FAM168A: variants seen among roughly 807,000 people sequenced by gnomAD.
FAM168A encodes family with sequence similarity 168 member A.
In FAM168A, 3 loss-of-function variants were observed where a neutral mutation model predicts 28.5. The observed-to-expected ratio is 0.11, with a 90% CI of 0.05 to 0.27. The LOEUF (loss-of-function observed/expected upper bound fraction) is 0.27, where lower values mean the gene tolerates loss of function less well. Among genes scored for constraint, FAM168A ranks in the 10% least tolerant of loss-of-function variants. The pLI is 1.00. For synonymous variants in FAM168A, 122 were observed against 124.2 expected (o/e 0.98, Z 0.12); for missense variants, 222 against 311.5 (o/e 0.71, Z 2.16).
chr11:73,445,686 C>T (rs1867299822), intron 2 of FAM168A, among the ~76,000 whole-genome samples: 1 of 151,966 alleles, frequency 6.6e-6, no homozygotes, highest in African/African-American at 2.4e-5. Context: ...CACACCAGGA[C>T]AGGATTTTCA....
chr11:73,486,713 A>G (rs1290607158), intron 1 of FAM168A, among the ~76,000 whole-genome samples: 2 of 152,228 alleles, frequency 1.3e-5, no homozygotes, highest in Admixed American at 6.5e-5. Flanking sequence ...TTCCAAATAG[A>G]TCATTTAGAT....
At chr11:73,495,440 T>C (rs890434422) in intron 1 of FAM168A, among the ~76,000 whole-genome samples, 1 of 152,200 alleles carries the variant, frequency 6.6e-6, no homozygotes, top group Non-Finnish European at 1.5e-5. Context: ...TCAATCTCCA[T>C]CACCACTCCA....
chr11:73,526,083 A>G (rs1418284843), intron 1 of FAM168A, among the ~76,000 whole-genome samples: 1 of 152,224 alleles, frequency 6.6e-6, no homozygotes, highest in Non-Finnish European at 1.5e-5. Context: ...ACAAAGTTTC[A>G]TAAATAAAAA....
chr11:73,430,631 T>C lies in FAM168A; in HGVS notation c.151+59A>G, dbSNP rs543150536. The C allele has an allele frequency of 1.2e-5, 19 of 1,521,578 alleles. No individual in the cohort carries two copies. In the South Asian group the frequency reaches 1.9e-4, roughly 15 times the overall value. 94.3% of individuals were successfully genotyped at this position (1,521,578 alleles called of 1,614,324 possible). ...AAAGGCCAGCAAGTGGTTTTGCTTTTCCCAAATAGAGTCCCCCTTCCCACT... is the reference window on the plus strand; with the variant it reads ...AAAGGCCAGCAAGTGGTTTTGCTTTCCCCAAATAGAGTCCCCCTTCCCACT... On this transcript the variant is annotated intron_variant, in intron 3 of 7. Transcript: ENST00000356467.
chr11:73,532,636 T>C (rs1319390886), intron 1 of FAM168A, among the ~76,000 whole-genome samples: 1 of 152,212 alleles, frequency 6.6e-6, no homozygotes, highest in Non-Finnish European at 1.5e-5. Context: ...CTACATAAAT[T>C]GGAAAATAGA....
intron 1 of FAM168A, among the ~76,000 whole-genome samples, chr11:73,547,634 G>A (rs1020694538): frequency 3.3e-5 from 5 of 151,982 alleles, no homozygotes; most frequent in East Asian, 1.9e-4. Context: ...GTGAATAACC[G>A]CTGCACTTCA....
At chr11:73,564,607 G>C (rs1943998099) in intron 1 of FAM168A, among the ~76,000 whole-genome samples, 1 of 151,936 alleles carries the variant, frequency 6.6e-6, no homozygotes, top group Non-Finnish European at 1.5e-5. Flanking sequence ...GCTGGGCATG[G>C]TGTCGGGCGC....
chr11:73,460,159 C>T (rs942255599), intron 2 of FAM168A, among the ~76,000 whole-genome samples: 8 of 152,036 alleles, frequency 5.3e-5, no homozygotes, highest in African/African-American at 1.2e-4. Context: ...GGATTACAGG[C>T]GTGAGCCACC....
chr11:73,458,793 G>A (rs1867587100), intron 2 of FAM168A, among the ~76,000 whole-genome samples: 1 of 152,062 alleles, frequency 6.6e-6, no homozygotes, highest in African/African-American at 2.4e-5. Flanking sequence ...TGTACTTTTA[G>A]TAGAGATGGG....
At chr11:73,508,556 G>GGTGC (rs1410132102) in intron 1 of FAM168A, among the ~76,000 whole-genome samples, 1 of 152,012 alleles carries the variant, frequency 6.6e-6, no homozygotes. Context: ...TGCATGCGTG[G>GGTGC]GTGCGTGTGT....
chr11:73,588,002 G>A (rs1438392355), intron 1 of FAM168A, among the ~76,000 whole-genome samples: 5 of 151,954 alleles, frequency 3.3e-5, no homozygotes, highest in Non-Finnish European at 5.9e-5. Context: ...CACCCACCTC[G>A]GCCTCCCAAA....
intron 1 of FAM168A, among the ~76,000 whole-genome samples, chr11:73,541,091 G>A (rs972883435): frequency 7.9e-5 from 12 of 152,092 alleles, no homozygotes; most frequent in Admixed American, 5.9e-4. Context: ...TGTAGTCCCA[G>A]CTACTCGGGA....
At chr11:73,488,401 G>C (rs2134604623) in intron 1 of FAM168A, among the ~76,000 whole-genome samples, 1 of 152,250 alleles carries the variant, frequency 6.6e-6, no homozygotes, top group East Asian at 1.9e-4. Flanking sequence ...AAAGTGCTGG[G>C]ATTACAGGTG....
At chr11:73,425,299 C>T (rs181660638) in intron 3 of FAM168A, among the ~76,000 whole-genome samples, 12 of 152,276 alleles carry the variant, frequency 7.9e-5, no homozygotes, top group Middle Eastern at 3.4e-3. Flanking sequence ...CCAGAGCTGC[C>T]GGATGTGAAC....
chr11:73,503,084 C>T (rs1855042063), intron 1 of FAM168A, among the ~76,000 whole-genome samples: 1 of 152,144 alleles, frequency 6.6e-6, no homozygotes, highest in African/African-American at 2.4e-5. Flanking sequence ...CCTTTAAAAA[C>T]CAGTACAGGA....
intron 1 of FAM168A, among the ~76,000 whole-genome samples, chr11:73,524,499 T>C (rs1471937727): frequency 6.6e-6 from 1 of 151,768 alleles, no homozygotes; most frequent in African/African-American, 2.4e-5. Flanking sequence ...AATCTTAAAC[T>C]GATCCTCTAA....
At chr11:73,416,536 T>C (rs1866697751) in intron 4 of FAM168A, among the ~76,000 whole-genome samples, 1 of 152,128 alleles carries the variant, frequency 6.6e-6, no homozygotes, top group Non-Finnish European at 1.5e-5. Context: ...ATCAGTGAAA[T>C]TGAACTGAAT....
chr11:73,499,198 G>C (rs541342920), intron 1 of FAM168A, among the ~76,000 whole-genome samples: 1 of 152,226 alleles, frequency 6.6e-6, no homozygotes, highest in South Asian at 2.1e-4. Context: ...GACATCTCCA[G>C]GCATGGGAGT....
At chr11:73,424,394 T>C (rs1866847307) in intron 3 of FAM168A, among the ~76,000 whole-genome samples, 1 of 152,174 alleles carries the variant, frequency 6.6e-6, no homozygotes, top group African/African-American at 2.4e-5. Context: ...GTTATACTGT[T>C]GGGACCCTCA....
Sources: allele counts gnomAD v4.1 joint callset (sites outside exome capture counted in the v4.1 genomes callset), GRCh38; gene constraint gnomAD v4.1.1; transcripts MANE v1.5; gene names NCBI Gene and HGNC (gene_info 2026-07-23, HGNC 2026-07-21).